TRPV4: variants seen among roughly 807,000 people sequenced by gnomAD.
TRPV4 encodes the protein OSM9-like transient receptor potential channel 4.
TRPV4 carries 58 observed loss-of-function variants against 84.1 expected under a neutral mutation model. That is an observed-to-expected ratio of 0.69 (90% confidence interval 0.56 to 0.86). The LOEUF is 0.86. Ranked by LOEUF, TRPV4 falls within the 40% of genes least tolerant of loss-of-function variation. The probability of loss-of-function intolerance (pLI) is 0.00; values close to 1 mark genes in which losing one functional copy is unlikely to be tolerated. For synonymous variants in TRPV4, 489 were observed against 500.9 expected, an observed-to-expected ratio of 0.98 and a Z score of 0.32; for missense variants, 879 against 1,181.1, an observed-to-expected ratio of 0.74 and a Z score of 3.75.
chr12:109,792,259 A>G, intron 12 of TRPV4, 104 bp downstream of exon 12: 1 of 895,098 alleles, frequency 1.1e-6, no homozygotes, highest in Non-Finnish European at 1.7e-6. Flanking sequence ...AAAAAAAAAA[A>G]AAAAAAGAAC....
At chr12:109,789,542 G>A (rs768823510) in intron 12 of TRPV4, among the ~76,000 whole-genome samples, 3 of 152,150 alleles carry the variant, frequency 2.0e-5, no homozygotes, top group African/African-American at 7.2e-5. Context: ...TCCTGCTCTA[G>A]ACATCTCAAA....
At position 109,792,367 on chromosome 12, in the gene TRPV4, A is replaced by C; in HGVS notation, c.1887T>G (p.Ala629=). 1 of 1,613,726 alleles carries C rather than the reference A, an allele frequency of 6.2e-7. No homozygotes were observed. The change falls in exon 12 of 16, where the codon GCT becomes GCG. Residue 629 remains alanine, a synonymous_variant. Transcript: ENST00000261740. ...ACCTGAGCACCCAGAGCTCACCTGA[A>C]GCGTAGCCGATCATGAAGAGCAAGT... ...LVYLLFMIGY[A]SALVSLLNPC...
At chr12:109,800,449 T>G (rs555440553) in intron 5 of TRPV4, among the ~76,000 whole-genome samples, 169 bp downstream of exon 5, 15 of 152,222 alleles carry the variant, frequency 9.9e-5, no homozygotes, top group Middle Eastern at 3.4e-3. Flanking sequence ...AACGGCCCTG[T>G]GACCAAGACC....
At position 109,786,760 on chromosome 12, in the gene TRPV4, G is replaced by A. The variant is rs1889711347; in HGVS notation, c.2286C>T (p.Val762=). Residue 762 remains valine (V), a synonymous_variant, in exon 14 of 16, where the codon GTC becomes GTT. Coordinates refer to ENST00000261740, the MANE Select transcript of TRPV4 (RefSeq NM_021625.5). This position sits in a 1 kb window ranked among gnomAD's most constrained non-coding sequence, Gnocchi z 4.5. ...LRKAFRSGEM[V]TVGKSSDGTP... is the part of the protein sequence containing the mutation. Reference sequence around the variant, plus strand: ...TGCCGTCCGAGCTCTTGCCCACGGTGACCATCTCCCCAGAGCGGAAGGCCT... The same window carrying A: ...TGCCGTCCGAGCTCTTGCCCACGGTAACCATCTCCCCAGAGCGGAAGGCCT... 1.2e-6 allele frequency: 2 copies of A among 1,614,028 alleles called. No homozygotes were observed. Among genetic ancestry groups the A allele is most frequent in the East Asian group, 4.5e-5 (2 of 44,882 alleles).
intron 7 of TRPV4, among the ~76,000 whole-genome samples, chr12:109,795,811 G>C (rs1890357549): frequency 6.6e-6 from 1 of 152,112 alleles, no homozygotes; most frequent in Admixed American, 6.6e-5. Flanking sequence ...GCAGTGGCAT[G>C]ATCTCGGCTC....
intron 1 of TRPV4, among the ~76,000 whole-genome samples, chr12:109,828,034 G>A (rs1405196295): frequency 2.0e-5 from 3 of 152,214 alleles, no homozygotes; most frequent in African/African-American, 7.2e-5. Context: ...AGGGGAAAAC[G>A]GGCGCCTGGT....
chr12:109,833,122 C>T (rs1029180022), intron 1 of TRPV4, among the ~76,000 whole-genome samples: 1 of 152,188 alleles, frequency 6.6e-6, no homozygotes, highest in Non-Finnish European at 1.5e-5. Flanking sequence ...CACGTTGGTG[C>T]CCATTTCACA....
chr12:109,789,069 C>A (rs1889880030), intron 12 of TRPV4, among the ~76,000 whole-genome samples: 1 of 152,182 alleles, frequency 6.6e-6, no homozygotes, highest in African/African-American at 2.4e-5. Flanking sequence ...TTGACCTGCT[C>A]TGTTTCCAAC....
In TRPV4 at chr12:109,819,870, G is replaced by A. The variant is rs117890227; in HGVS notation, c.-31-5043C>T. On this transcript the variant is annotated intron_variant, in intron 1 of 15. Transcript: ENST00000261740. ...AGCCACTGCGCCCAGCCAAAGTAGC[G>A]GTTTTTGAATATGTTGGTTTTAAAT... is the stretch of plus-strand genomic sequence containing the variant. 9.5e-4 allele frequency among the ~76,000 whole-genome samples: 144 copies of A among 152,210 alleles called. 2 individuals are homozygous for A. The East Asian group carries it at 0.021, about 23-fold the overall frequency.
At position 109,793,549 on chromosome 12, in the gene TRPV4, C is replaced by T; in HGVS notation, c.1636G>A (p.Asp546Asn). 1.2e-6 allele frequency: 2 copies of T among 1,613,898 alleles called. No homozygotes were observed. The highest frequency in any genetic ancestry group is 1.7e-6 in the Non-Finnish European group (2 of 1,179,988). Residue 546 changes from aspartate to asparagine, a missense_variant, in exon 10 of 16, where the codon GAT (aspartate) becomes AAT (asparagine). Physicochemically the swap from Asp to Asn is conservative, Grantham distance 23. Coordinates refer to ENST00000261740, the MANE Select transcript of TRPV4 (RefSeq NM_021625.5). The surrounding 1 kb of genome is among the most constrained non-coding windows in gnomAD (Gnocchi z 4.0). ...CACTAGAGCAGCTGGAAGGAGCCAT[C>T]AATGAAGAGAGAATTCACTCCAGGG... is the stretch of plus-strand genomic sequence containing the variant. ...KCPGVNSLFI[D>N]GSFQLLYFIY...
Position 109,800,661 on chromosome 12 carries a change from C to T in TRPV4, c.810G>A (p.Gly270=), listed in dbSNP as rs147558344. The part of the protein sequence containing the change: ...QGADVHAQAR[G]RFFQPKDEGG... ...CCTCATCCTTGGGCTGGAAGAAGCG[C>T]CCACGGGCCTGGGCGTGGACATCAG... Residue 270 remains glycine (G), a synonymous_variant, in exon 5 of 16, where the codon GGG becomes GGA. Transcript: ENST00000261740. 9,935 of 1,614,152 alleles carry T rather than the reference C, an allele frequency of 6.2e-3. 57 individuals carry two copies. Among genetic ancestry groups the T allele is most frequent in the Non-Finnish European group, 6.0e-3 (7,108 of 1,180,022 alleles).
intron 5 of TRPV4, among the ~76,000 whole-genome samples, chr12:109,800,014 C>T (rs1420228805): frequency 6.6e-6 from 1 of 152,078 alleles, no homozygotes; most frequent in African/African-American, 2.4e-5. Flanking sequence ...GAAATCTCGG[C>T]TCATTGCAAC....
At chr12:109,830,056 T>A (rs1892370438) in intron 1 of TRPV4, among the ~76,000 whole-genome samples, 1 of 152,190 alleles carries the variant, frequency 6.6e-6, no homozygotes, top group Non-Finnish European at 1.5e-5. Flanking sequence ...GCTCGACCGA[T>A]CCACCTGCCT....
chr12:109,800,537 CT>C (rs1890707074), intron 5 of TRPV4, 80 bp downstream of exon 5: 3 of 1,564,468 alleles, frequency 1.9e-6, no homozygotes, highest in Non-Finnish European at 2.6e-6. Context: ...ATGGTCAGGG[CT>C]GCAGACACCA....
At chr12:109,805,522 A>G (rs1424472710) in intron 3 of TRPV4, among the ~76,000 whole-genome samples, 1 of 152,048 alleles carries the variant, frequency 6.6e-6, no homozygotes, top group East Asian at 1.9e-4. Context: ...TAAATTGACA[A>G]TTGCCAAATT....
At chr12:109,811,548 C>T (rs1320759217) in intron 2 of TRPV4, among the ~76,000 whole-genome samples, 1 of 151,954 alleles carries the variant, frequency 6.6e-6, no homozygotes, top group African/African-American at 2.4e-5. Context: ...GCTCCAGCTA[C>T]CCAGGAGGCT....
At chr12:109,785,895 A>G (rs1889654639) in intron 14 of TRPV4, among the ~76,000 whole-genome samples, 1 of 151,926 alleles carries the variant, frequency 6.6e-6, no homozygotes, top group Non-Finnish European at 1.5e-5. Context: ...TTGGTCGGAC[A>G]TGGTGGCATG....
chr12:109,819,484 G>A lies in TRPV4; in HGVS notation c.-31-4657C>T, dbSNP rs552494263. ...CCAGCTGCACCAGGTGTGCATCAGG[G>A]AGGCACCCAAGAACGTTCCTGCACG... On this transcript the variant is annotated intron_variant, in intron 1 of 15. Transcript: ENST00000261740. 1.7e-4 allele frequency among the ~76,000 whole-genome samples: 26 copies of A among 152,326 alleles called. No homozygotes were observed. In the South Asian group the frequency reaches 4.6e-3, roughly 27 times the overall value.
chr12:109,819,472 G>C (rs1892006094), intron 1 of TRPV4, among the ~76,000 whole-genome samples: 2 of 152,220 alleles, frequency 1.3e-5, no homozygotes, highest in Non-Finnish European at 2.9e-5. Context: ...GCTGCACCAG[G>C]TGTGCATCAG....
Sources: allele counts gnomAD v4.1 joint callset (sites outside exome capture counted in the v4.1 genomes callset), GRCh38; gene constraint gnomAD v4.1.1; non-coding constraint Gnocchi (gnomAD v3.1); transcripts MANE v1.5; gene names NCBI Gene and HGNC (gene_info 2026-07-23, HGNC 2026-07-21).